SLC25A41: variants seen among roughly 807,000 people sequenced by gnomAD.
The protein encoded by SLC25A41 is mitochondrial carrier protein SCaMC-3L.
Under a neutral mutation model 34.7 loss-of-function variants are expected in SLC25A41, and 35 were observed. The observed-to-expected ratio is 1.01, with a 90% CI of 0.77 to 1.34. The LOEUF (loss-of-function observed/expected upper bound fraction) is 1.34, where lower values mean the gene tolerates loss of function less well. Among genes scored for constraint, SLC25A41 ranks in the 40% most tolerant of loss-of-function variants. The probability of loss-of-function intolerance (pLI) is 0.00; values close to 1 mark genes in which losing one functional copy is unlikely to be tolerated. For missense variants in SLC25A41, 492 were observed against 489.8 expected, an observed-to-expected ratio of 1.00 and a Z score of -0.04; for synonymous variants, 190 against 209.9, an observed-to-expected ratio of 0.91 and a Z score of 0.82.
Position 6,427,662 on chromosome 19 carries a change from G to C in SLC25A41, c.625-161C>G, listed in dbSNP as rs1216095100. ...TGTCAGATTCCATGGAATGCTCTCTGAATTTTGAGTTCTGAAGCACAAATG... is the reference window on the plus strand; with the variant it reads ...TGTCAGATTCCATGGAATGCTCTCTCAATTTTGAGTTCTGAAGCACAAATG... On this transcript the variant is annotated intron_variant, in intron 4 of 6. Transcript: ENST00000321510. This position sits in a 1 kb window ranked among gnomAD's most constrained non-coding sequence, Gnocchi z 4.9. Among the ~76,000 whole-genome samples, 1 of 152,222 alleles carries C rather than the reference G, an allele frequency of 6.6e-6. No homozygotes were observed. Among genetic ancestry groups the C allele is most frequent in the Non-Finnish European group, 1.5e-5 (1 of 68,044 alleles).
At chr19:6,426,701 G>GA in intron 6 of SLC25A41, 140 bp from the exon 7 acceptor site, 1 of 843,518 alleles carries the variant, frequency 1.2e-6, no homozygotes, top group South Asian at 1.7e-5. Context: ...AGTCTTAGAG[G>GA]AAATTGGTCA....
rs1568349326 is a variant in SLC25A41, at chr19:6,429,041, T to TAAC, written c.624+682_624+683insGTT. 7.1e-3 allele frequency among the ~76,000 whole-genome samples: 358 copies of TAAC among 50,662 alleles called. 89 individuals carry two copies. Among genetic ancestry groups the TAAC allele is most frequent in the South Asian group, 0.012 (31 of 2,612 alleles). 33.2% of individuals were successfully genotyped at this position (50,662 alleles called of 152,430 possible). A position where few individuals can be genotyped will look rare whatever the true frequency, so the allele number is the denominator to read the frequency against. On this transcript the variant is annotated intron_variant, in intron 4 of 6. Transcript: ENST00000321510. ...TGAAAATTTATATATATATATATAA[T>TAAC]ATATATATTATATATATGTTATATA...
Position 6,426,141 on chromosome 19 carries a change from G to C in SLC25A41, c.*248C>G. The C allele has an allele frequency of 4.1e-6, 2 of 488,040 alleles. No homozygotes were observed. The highest frequency in any genetic ancestry group is 7.4e-6 in the Non-Finnish European group (2 of 269,098). 30.2% of individuals were successfully genotyped at this position (488,040 alleles called of 1,614,324 possible). On this transcript the variant is annotated 3_prime_UTR_variant, in exon 7 of 7. Coordinates refer to ENST00000321510, the MANE Select transcript of SLC25A41 (RefSeq NM_173637.4). ...GGCCAGACTGGAGTCCACGTTTCTT[G>C]TCTCAGGCTGCACCCTGGGGAGGGA...
At chr19:6,428,868 C>A (rs567222101) in intron 4 of SLC25A41, among the ~76,000 whole-genome samples, 1 of 143,234 alleles carries the variant, frequency 7.0e-6, no homozygotes, top group Non-Finnish European at 1.5e-5. Context: ...CATGCGCCAC[C>A]ACACCTGGCT....
Position 6,433,758 on chromosome 19 carries a change from G to T in SLC25A41, c.-65C>A. 1 of 1,328,386 alleles carries T rather than the reference G, an allele frequency of 7.5e-7. No individual in the cohort carries two copies. Among genetic ancestry groups the T allele is most frequent in the Non-Finnish European group, 1.0e-6 (1 of 982,454 alleles). The allele number at this position is 1,328,386 out of a possible 1,614,324, so 82.3% of individuals were successfully genotyped here. On this transcript the variant is annotated 5_prime_UTR_variant, in exon 1 of 7. Coordinates refer to ENST00000321510, the MANE Select transcript of SLC25A41 (RefSeq NM_173637.4). ...TTGTTTGCTGCTCCAGCTACCATGC[G>T]GGAGTGTCTAGTGGGAGGATTGTGT...
chr19:6,427,318 T>C lies in SLC25A41; in HGVS notation c.792+16A>G. The C allele has an allele frequency of 6.2e-7, 1 of 1,605,164 alleles. No individual in the cohort carries two copies. The highest frequency in any genetic ancestry group is 8.5e-7 in the Non-Finnish European group (1 of 1,174,488). ...GGCTCCGGCCAGCCCTGCCACCCCC[T>C]CTGCAGGACCCATACCTCATAGACA... On this transcript the variant is annotated intron_variant, in intron 5 of 6. Transcript: ENST00000321510. This position sits in a 1 kb window ranked among gnomAD's most constrained non-coding sequence, Gnocchi z 4.9.
At chr19:6,430,809 T>A (rs2092282678) in intron 2 of SLC25A41, among the ~76,000 whole-genome samples, 1 of 151,272 alleles carries the variant, frequency 6.6e-6, no homozygotes, top group South Asian at 2.1e-4. Flanking sequence ...TTCTTTCTTG[T>A]TTTTTTGTTT....
At chr19:6,428,018 A>G (rs1344332305) in intron 4 of SLC25A41, among the ~76,000 whole-genome samples, 1 of 152,198 alleles carries the variant, frequency 6.6e-6, no homozygotes, top group Non-Finnish European at 1.5e-5. Context: ...GTGAATAGGT[A>G]GAAAACAGGG....
chr19:6,435,432 T>C (rs1029684145), upstream of SLC25A41, among the ~76,000 whole-genome samples: 2 of 151,660 alleles, frequency 1.3e-5, no homozygotes, highest in East Asian at 3.9e-4. Flanking sequence ...TTTTAAAAAT[T>C]ATTTTTGGCT....
rs901360362 is a variant in SLC25A41, at chr19:6,427,552, AC to A, written c.625-52del. ...CTCATTTGATTGAATCCTGTCAATG[AC>A]CCTCGGGGTAGCCATTGTCCCCACC... On this transcript the variant is annotated intron_variant, in intron 4 of 6. Coordinates refer to ENST00000321510, the MANE Select transcript of SLC25A41 (RefSeq NM_173637.4). The surrounding 1 kb of genome is among the most constrained non-coding windows in gnomAD (Gnocchi z 4.9). 143 of 1,441,160 alleles carry A rather than the reference AC, an allele frequency of 9.9e-5. No individual in the cohort carries two copies. Among genetic ancestry groups the A allele is most frequent in the Non-Finnish European group, 1.3e-4 (139 of 1,089,892 alleles). 89.3% of individuals were successfully genotyped at this position (1,441,160 alleles called of 1,614,324 possible).
At chr19:6,434,165 G>C (rs548930767), upstream of SLC25A41, among the ~76,000 whole-genome samples, 375 of 152,188 alleles carry the variant, frequency 2.5e-3, 2 homozygotes, top group African/African-American at 8.7e-3. Flanking sequence ...GGATGGTCTC[G>C]ATCTCCTGAC....
chr19:6,428,734 C>G (rs2092256199), intron 4 of SLC25A41, among the ~76,000 whole-genome samples: 1 of 142,458 alleles, frequency 7.0e-6, no homozygotes. Context: ...TTTTTTGAGA[C>G]AGGGTCTCCC....
intron 4 of SLC25A41, among the ~76,000 whole-genome samples, chr19:6,429,499 AAG>A (rs1491048157): frequency 5.0e-5 from 3 of 59,644 alleles, no homozygotes; most frequent in Non-Finnish European, 1.1e-4. Flanking sequence ...AGGAGGGAGA[AAG>A]GAGGAGGAGG....
Position 6,429,795 on chromosome 19 carries a change from G to C in SLC25A41, c.553C>G (p.Pro185Ala). ...NYFCGIQGSP[P>A]FQERLLAGSL... ...CCAGCAAGGAGACGCTCCTGGAAGG[G>C]CGGGGACCCTTGTATTCCACAGAAG... is the stretch of plus-strand genomic sequence containing the variant. The change falls in exon 4 of 7, where the codon CCC becomes GCC. Residue 185 changes from proline (P) to alanine (A), a missense_variant. Transcript: ENST00000321510. 2 of 1,611,462 alleles carry C rather than the reference G, an allele frequency of 1.2e-6. No homozygotes were observed. Among genetic ancestry groups the C allele is most frequent in the Non-Finnish European group, 1.7e-6 (2 of 1,179,014 alleles).
chr19:6,430,493 T>A, intron 2 of SLC25A41: 1 of 138,514 alleles, frequency 7.2e-6, no homozygotes. Flanking sequence ...CCCTTCCTTC[T>A]TTTTTTTTTT....
At position 6,427,337 on chromosome 19, in the gene SLC25A41, A is replaced by G. The variant is rs761610102; in HGVS notation, c.789T>C (p.Tyr263=). 1.2e-6 allele frequency: 2 copies of G among 1,606,192 alleles called. No homozygotes were observed. Among genetic ancestry groups the G allele is most frequent in the Non-Finnish European group, 1.7e-6 (2 of 1,175,108 alleles). The stretch of plus-strand genomic sequence containing the variant: ...ACCCCCTCTGCAGGACCCATACCTC[A>G]TAGACAGCCAGGTCGGTGCAGGCAT... The part of the protein sequence containing the change: ...IPYACTDLAV[Y]EMLQCFWVKS... The change falls in exon 5 of 7, where the codon TAT becomes TAC. Residue 263 remains tyrosine (Y), a synonymous_variant. Coordinates refer to ENST00000321510, the MANE Select transcript of SLC25A41 (RefSeq NM_173637.4). This position sits in a 1 kb window ranked among gnomAD's most constrained non-coding sequence, Gnocchi z 4.9.
chr19:6,428,082 T>G (rs544408881), intron 4 of SLC25A41, among the ~76,000 whole-genome samples: 72 of 152,018 alleles, frequency 4.7e-4, no homozygotes, highest in Non-Finnish European at 1.0e-3. Flanking sequence ...TGGATACAAG[T>G]CATTATACAT....
chr19:6,427,749 G>A lies in SLC25A41; in HGVS notation c.625-248C>T, dbSNP rs2145135885. ...CGTCTGTCTTCCCAGCCCTTTGGGA[G>A]GCTGAGGCGGGAGGATCGCTTGAGG... On this transcript the variant is annotated intron_variant, in intron 4 of 6. Coordinates refer to ENST00000321510, the MANE Select transcript of SLC25A41 (RefSeq NM_173637.4). This position sits in a 1 kb window ranked among gnomAD's most constrained non-coding sequence, Gnocchi z 4.9. 6.6e-6 allele frequency among the ~76,000 whole-genome samples: 1 copy of A among 152,362 alleles called. No homozygotes were observed. Among genetic ancestry groups the A allele is most frequent in the Admixed American group, 6.5e-5 (1 of 15,298 alleles).
intron 1 of SLC25A41, among the ~76,000 whole-genome samples, chr19:6,432,643 T>C (rs576387654): frequency 6.6e-6 from 1 of 150,388 alleles, no homozygotes; most frequent in East Asian, 2.0e-4. Context: ...CAAGCTGGAG[T>C]ACAGTGGTGC....
Sources: allele counts gnomAD v4.1 joint callset (sites outside exome capture counted in the v4.1 genomes callset), GRCh38; gene constraint gnomAD v4.1.1; non-coding constraint Gnocchi (gnomAD v3.1); transcripts MANE v1.5; gene names NCBI Gene and HGNC (gene_info 2026-07-23, HGNC 2026-07-21).